The following PTPRD variants were observed in gnomAD, a reference collection of about 807,000 sequenced individuals.
PTPRD encodes receptor-type tyrosine-protein phosphatase delta.
Under a neutral mutation model 214.5 loss-of-function variants are expected in PTPRD, and 34 were observed. That is an observed-to-expected ratio of 0.16 (90% confidence interval 0.12 to 0.21). The LOEUF (loss-of-function observed/expected upper bound fraction) is 0.21. PTPRD is among the 10% of genes least tolerant of loss of function. PTPRD has a pLI of 1.00. For missense variants in PTPRD, 2,545 were observed against 2,398.7 expected (o/e 1.06, Z -1.27); for synonymous variants, 1,128 against 845.7 (o/e 1.33, Z -5.79).
At chr9:10,048,279 C>T (rs2097445348) in intron 3 of PTPRD, among the ~76,000 whole-genome samples, 1 of 18,650 alleles carries the variant, frequency 5.4e-5, no homozygotes, top group Non-Finnish European at 7.4e-5. Context: ...ATTCTTACTT[C>T]GATCTCTGTT....
chr9:9,781,653 C>T (rs2098843698), intron 5 of PTPRD, among the ~76,000 whole-genome samples: 1 of 152,118 alleles, frequency 6.6e-6, no homozygotes, highest in Non-Finnish European at 1.5e-5. Flanking sequence ...TATGCTGAAA[C>T]TTTTGGAGTT....
chr9:8,922,211 G>C (rs1339388399), intron 11 of PTPRD, among the ~76,000 whole-genome samples: 1 of 151,882 alleles, frequency 6.6e-6, no homozygotes, highest in Non-Finnish European at 1.5e-5. Flanking sequence ...TCTCTATTAA[G>C]TCCAGTGTTA....
chr9:8,858,782 T>G (rs1344541685), intron 11 of PTPRD, among the ~76,000 whole-genome samples: 18 of 126,818 alleles, frequency 1.4e-4, no homozygotes, highest in South Asian at 7.9e-4. Flanking sequence ...GCAGGAGAGG[T>G]GGGTGAAGGA....
chr9:9,120,196 A>G (rs1199769170), intron 10 of PTPRD, among the ~76,000 whole-genome samples: 1 of 152,208 alleles, frequency 6.6e-6, no homozygotes, highest in Non-Finnish European at 1.5e-5. Flanking sequence ...AGTCATAGAG[A>G]AGTACTAGAC....
chr9:9,270,132 A>G (rs1310759582), intron 9 of PTPRD, among the ~76,000 whole-genome samples: 1 of 151,176 alleles, frequency 6.6e-6, no homozygotes. Context: ...TATGTTAGGT[A>G]GCTTAATTGT....
At chr9:9,376,574 A>G (rs184720682) in intron 9 of PTPRD, among the ~76,000 whole-genome samples, 1 of 152,296 alleles carries the variant, frequency 6.6e-6, no homozygotes, top group Admixed American at 6.5e-5. Flanking sequence ...ACAGAAATTG[A>G]CATTTAATAA....
chr9:9,425,474 T>C (rs1242163370), intron 8 of PTPRD, among the ~76,000 whole-genome samples: 1 of 147,730 alleles, frequency 6.8e-6, no homozygotes, highest in East Asian at 1.9e-4. Flanking sequence ...TAATTATATA[T>C]ATATGTTTGG....
At position 9,406,354 on chromosome 9, in the gene PTPRD, G is replaced by A. The variant is rs2073350572; in HGVS notation, c.-236-8872C>T. Among the ~76,000 whole-genome samples, 4 of 151,906 alleles carry A rather than the reference G, an allele frequency of 2.6e-5. No homozygotes were observed. The South Asian group carries it at 8.3e-4, about 31-fold the overall frequency. On this transcript the variant is annotated intron_variant, in intron 8 of 45. Coordinates refer to ENST00000381196, the MANE Select transcript of PTPRD (RefSeq NM_002839.4). ...AGCTTGAAGTAAACACTAAGCTGAA[G>A]TTCTATTCCATGAAGTAAATAAACA...
chr9:10,178,809 T>G lies in PTPRD; in HGVS notation c.-544-145019A>C, dbSNP rs995829943. On this transcript the variant is annotated intron_variant, in intron 3 of 45. Transcript: ENST00000381196. ...ACTAGATGTGAGGAGTACCCCCAAGTTGGGACAACCAAAGATGTTTTCAGA... is the reference window on the plus strand; with the variant it reads ...ACTAGATGTGAGGAGTACCCCCAAGGTGGGACAACCAAAGATGTTTTCAGA... 5.9e-5 allele frequency among the ~76,000 whole-genome samples: 9 copies of G among 151,994 alleles called. No homozygotes were observed. The East Asian group carries it at 1.7e-3, about 29-fold the overall frequency.
intron 33 of PTPRD, among the ~76,000 whole-genome samples, chr9:8,452,308 A>G (rs1236661952): frequency 6.6e-6 from 1 of 152,198 alleles, no homozygotes; most frequent in Non-Finnish European, 1.5e-5. Flanking sequence ...ATTTTTAAAC[A>G]CTTATTATGT....
At chr9:8,507,469 T>C (rs1340521580) in intron 21 of PTPRD, 35 bp from the exon 22 acceptor site, 1 of 1,612,588 alleles carries the variant, frequency 6.2e-7, no homozygotes, top group East Asian at 2.2e-5. Context: ...GAACTCACAA[T>C]CACCAGGAGT....
At chr9:8,967,044 A>T (rs1362933027) in intron 11 of PTPRD, among the ~76,000 whole-genome samples, 1 of 152,128 alleles carries the variant, frequency 6.6e-6, no homozygotes. Flanking sequence ...CACATAAAAA[A>T]ATGCTATCAT....
chr9:9,547,938 T>C (rs2079192311), intron 8 of PTPRD, among the ~76,000 whole-genome samples: 1 of 151,904 alleles, frequency 6.6e-6, no homozygotes, highest in Non-Finnish European at 1.5e-5. Flanking sequence ...AGAACAATGA[T>C]AGGAATTTTT....
intron 5 of PTPRD, among the ~76,000 whole-genome samples, chr9:9,859,427 C>T (rs898040175): frequency 2.0e-5 from 3 of 152,074 alleles, no homozygotes; most frequent in Non-Finnish European, 4.4e-5. Flanking sequence ...AATAATTTGT[C>T]TTAGCTTTGT....
chr9:10,290,822 AG>A (rs2095505338), intron 3 of PTPRD, among the ~76,000 whole-genome samples: 2 of 152,124 alleles, frequency 1.3e-5, no homozygotes, highest in African/African-American at 4.8e-5. Flanking sequence ...ATTGTTAATT[AG>A]CATCATAATT....
chr9:9,095,315 C>T (rs954989331), intron 10 of PTPRD, among the ~76,000 whole-genome samples: 2 of 152,068 alleles, frequency 1.3e-5, no homozygotes, highest in African/African-American at 4.8e-5. Flanking sequence ...AATAAAATGA[C>T]CTTTATTCAC....
chr9:9,469,086 T>C (rs1052230012), intron 8 of PTPRD, among the ~76,000 whole-genome samples: 1 of 152,172 alleles, frequency 6.6e-6, no homozygotes, highest in Non-Finnish European at 1.5e-5. Flanking sequence ...AATTGGGATA[T>C]GCTTATCACA....
intron 2 of PTPRD, among the ~76,000 whole-genome samples, chr9:10,611,223 A>G (rs1312146347): frequency 1.3e-5 from 2 of 152,172 alleles, no homozygotes; most frequent in Admixed American, 6.5e-5. Context: ...TAGTCAGTAT[A>G]AGTACTACCA....
intron 11 of PTPRD, among the ~76,000 whole-genome samples, chr9:8,991,219 A>C (rs1238676462): frequency 7.4e-6 from 1 of 135,476 alleles, no homozygotes; most frequent in Non-Finnish European, 1.6e-5. Flanking sequence ...ACTCTGTCTC[A>C]AAAAAAAAAA....
Sources: allele counts gnomAD v4.1 joint callset (sites outside exome capture counted in the v4.1 genomes callset), GRCh38; gene constraint gnomAD v4.1.1; transcripts MANE v1.5; gene names NCBI Gene and HGNC (gene_info 2026-07-23, HGNC 2026-07-21).